The following AKAP6 variants were observed in gnomAD, a reference collection of about 807,000 sequenced individuals.
AKAP6 encodes A-kinase anchoring protein 6.
In AKAP6, 58 loss-of-function variants were observed where a neutral mutation model predicts 188.5. The observed-to-expected ratio is 0.31, with a 90% CI of 0.25 to 0.38. The LOEUF is 0.38. Ranked by LOEUF, AKAP6 falls within the 10% of genes least tolerant of loss-of-function variation. The pLI is 1.00. For synonymous variants in AKAP6, 989 were observed against 998.6 expected (o/e 0.99, Z 0.18); for missense variants, 2,710 against 2,740.0 (o/e 0.99, Z 0.24).
At chr14:32,490,872 A>G (rs895422844) in intron 2 of AKAP6, among the ~76,000 whole-genome samples, 2 of 152,200 alleles carry the variant, frequency 1.3e-5, no homozygotes, top group African/African-American at 4.8e-5. Context: ...GTCTGCTATA[A>G]TCAGAAGGAA....
Position 32,832,949 on chromosome 14 carries a change from C to T in AKAP6, c.*3144C>T, listed in dbSNP as rs1169750343. 2 of 152,652 alleles carry T rather than the reference C, an allele frequency of 1.3e-5. No individual in the cohort carries two copies. The highest frequency in any genetic ancestry group is 2.4e-5 in the African/African-American group (1 of 41,454). The allele number at this position is 152,652 out of a possible 1,614,324, so 9.5% of individuals were successfully genotyped here. A position where few individuals can be genotyped will look rare whatever the true frequency, so the allele number is the denominator to read the frequency against. ...CACATTAAGGAACTGTCTTCATCAT[C>T]ATACATGTAGAAAAGAATCTGAACA... On this transcript the variant is annotated 3_prime_UTR_variant, in exon 14 of 14. Transcript: ENST00000280979.
intron 2 of AKAP6, among the ~76,000 whole-genome samples, chr14:32,461,321 G>T (rs1234492379): frequency 6.6e-6 from 1 of 152,172 alleles, no homozygotes; most frequent in Non-Finnish European, 1.5e-5. Flanking sequence ...CCTCATTCAG[G>T]AGAGCTCGGG....
intron 2 of AKAP6, among the ~76,000 whole-genome samples, chr14:32,513,594 A>G (rs549217014): frequency 7.9e-4 from 120 of 152,310 alleles, no homozygotes; most frequent in Non-Finnish European, 9.6e-4. Flanking sequence ...CTTCTTGTGC[A>G]TAGTTTGACA....
chr14:32,805,598 C>T (rs1281042909), intron 12 of AKAP6, among the ~76,000 whole-genome samples: 1 of 152,172 alleles, frequency 6.6e-6, no homozygotes, highest in Non-Finnish European at 1.5e-5. Flanking sequence ...TCAGTATCAA[C>T]TCCCTGATCA....
At chr14:32,737,131 A>G (rs2031465164) in intron 11 of AKAP6, among the ~76,000 whole-genome samples, 1 of 152,146 alleles carries the variant, frequency 6.6e-6, no homozygotes, top group Admixed American at 6.6e-5. Flanking sequence ...AAACTTTTCA[A>G]ACTTTTTGAG....
At chr14:32,409,339 A>G (rs1364553534) in intron 1 of AKAP6, among the ~76,000 whole-genome samples, 2 of 152,230 alleles carry the variant, frequency 1.3e-5, no homozygotes, top group Non-Finnish European at 2.9e-5. Context: ...CTTAGGGACT[A>G]CAGAACTACA....
chr14:32,535,680 T>C lies in AKAP6; in HGVS notation c.451T>C (p.Trp151Arg). 1 of 1,614,222 alleles carries C rather than the reference T, an allele frequency of 6.2e-7. No individual in the cohort carries two copies. Among genetic ancestry groups the C allele is most frequent in the Non-Finnish European group, 8.5e-7 (1 of 1,180,010 alleles). Reference sequence around the variant, plus strand: ...GGACATCCACGCAGTGCAGCTCCTCTGGCACCAGCTTCGAGTCTCAGTGCT... The same window carrying C: ...GGACATCCACGCAGTGCAGCTCCTCCGGCACCAGCTTCGAGTCTCAGTGCT... ...IVDIHAVQLL[W>R]HQLRVSVLVL... The change falls in exon 3 of 14, where the codon TGG (tryptophan) becomes CGG (arginine). Residue 151 changes from tryptophan to arginine, a missense_variant. Transcript: ENST00000280979.
chr14:32,355,865 C>T (rs1371018700), intron 1 of AKAP6, among the ~76,000 whole-genome samples: 1 of 151,970 alleles, frequency 6.6e-6, no homozygotes, highest in Non-Finnish European at 1.5e-5. Flanking sequence ...GCCTCGAACT[C>T]CTGGACTCAA....
chr14:32,618,381 T>A (rs143620338), intron 7 of AKAP6, among the ~76,000 whole-genome samples: 1 of 152,308 alleles, frequency 6.6e-6, no homozygotes, highest in East Asian at 1.9e-4. Context: ...CAATGTCTAT[T>A]GTGCTACTCT....
At chr14:32,434,749 G>A (rs1330269196) in intron 2 of AKAP6, among the ~76,000 whole-genome samples, 1 of 152,244 alleles carries the variant, frequency 6.6e-6, no homozygotes, top group East Asian at 1.9e-4. Flanking sequence ...ATCAGCCTGA[G>A]TGGGAAAGAT....
intron 1 of AKAP6, among the ~76,000 whole-genome samples, chr14:32,348,188 A>G (rs1594525585): frequency 1.3e-5 from 2 of 152,172 alleles, no homozygotes; most frequent in African/African-American, 2.4e-5. Context: ...CTAGACAGGT[A>G]CCATGGGATT....
chr14:32,558,655 C>T (rs1883795982), intron 4 of AKAP6, among the ~76,000 whole-genome samples: 1 of 152,050 alleles, frequency 6.6e-6, no homozygotes, highest in Non-Finnish European at 1.5e-5. Context: ...CAAAGAGACC[C>T]CAAAATACAA....
intron 2 of AKAP6, among the ~76,000 whole-genome samples, chr14:32,504,150 T>G (rs1475481982): frequency 6.6e-6 from 1 of 152,134 alleles, no homozygotes; most frequent in African/African-American, 2.4e-5. Context: ...ACATTTCTCT[T>G]AAGTTTATTC....
At chr14:32,349,202 T>C (rs1887176193) in intron 1 of AKAP6, among the ~76,000 whole-genome samples, 1 of 152,220 alleles carries the variant, frequency 6.6e-6, no homozygotes, top group African/African-American at 2.4e-5. Flanking sequence ...AAACAAAAGC[T>C]ATTTTGGACA....
At chr14:32,518,567 A>T (rs928092253) in intron 2 of AKAP6, among the ~76,000 whole-genome samples, 1 of 152,238 alleles carries the variant, frequency 6.6e-6, no homozygotes, top group African/African-American at 2.4e-5. Flanking sequence ...TCAGTAGCCA[A>T]TTCGATCAAG....
At chr14:32,390,800 C>G (rs560067580) in intron 1 of AKAP6, among the ~76,000 whole-genome samples, 188 of 152,182 alleles carry the variant, frequency 1.2e-3, no homozygotes, top group South Asian at 6.4e-3. Context: ...TATGTGGGTC[C>G]TCTCAGGTTT....
intron 4 of AKAP6, among the ~76,000 whole-genome samples, chr14:32,559,900 G>A (rs1883876727): frequency 6.6e-6 from 1 of 151,532 alleles, no homozygotes. Context: ...TAGACATGTG[G>A]TAAAAGGGTC....
intron 12 of AKAP6, among the ~76,000 whole-genome samples, chr14:32,786,494 T>TA (rs11378516): frequency 0.51 from 76,212 of 148,900 alleles, 20,346 homozygotes; most frequent in Admixed American, 0.59. Flanking sequence ...TTTATTTTAT[T>TA]TTTTTATTTT....
chr14:32,403,929 T>G (rs1433071441), intron 1 of AKAP6, among the ~76,000 whole-genome samples: 1 of 152,146 alleles, frequency 6.6e-6, no homozygotes, highest in Non-Finnish European at 1.5e-5. Flanking sequence ...TTGCAGAAAT[T>G]ATGTGGTTTT....
Sources: allele counts gnomAD v4.1 joint callset (sites outside exome capture counted in the v4.1 genomes callset), GRCh38; gene constraint gnomAD v4.1.1; transcripts MANE v1.5; gene names NCBI Gene and HGNC (gene_info 2026-07-23, HGNC 2026-07-21).